The following GPR107 variants were observed in gnomAD, a reference collection of about 807,000 sequenced individuals.
The protein encoded by GPR107 is G protein-coupled receptor 107, also known as protein GPR107.
A neutral mutation model predicts 75.5 loss-of-function variants in GPR107; 31 were observed. The observed-to-expected ratio is 0.41, with a 90% confidence interval of 0.31 to 0.55. The LOEUF (loss-of-function observed/expected upper bound fraction) is 0.55. GPR107 is among the 20% of genes least tolerant of loss of function. The pLI is 0.26. For missense variants in GPR107, 572 were observed against 665.7 expected (o/e 0.86, Z 1.55); for synonymous variants, 267 against 251.3 (o/e 1.06, Z -0.59).
At chr9:130,131,185 C>G (rs1390962369) in intron 17 of GPR107, among the ~76,000 whole-genome samples, 1 of 152,148 alleles carries the variant, frequency 6.6e-6, no homozygotes, top group Non-Finnish European at 1.5e-5. Context: ...GCCAGGGAGG[C>G]TTTTGGGTGT....
At chr9:130,064,197 TTTTTTTTTTTTG>T (rs1830008351) in intron 1 of GPR107, among the ~76,000 whole-genome samples, 1 of 64,056 alleles carries the variant, frequency 1.6e-5, no homozygotes, top group Non-Finnish European at 3.2e-5. Flanking sequence ...TTTTTTTTTT[TTTTTTTTTTTTG>T]AGACGGAGTC....
chr9:130,123,498 G>A (rs1277818458), intron 14 of GPR107, among the ~76,000 whole-genome samples: 1 of 150,402 alleles, frequency 6.6e-6, no homozygotes, highest in African/African-American at 2.4e-5. Flanking sequence ...CACTGCACCC[G>A]GCCTATTTCT....
At chr9:130,120,925 G>A (rs1240432593) in intron 14 of GPR107, 1 of 152,072 alleles carries the variant, frequency 6.6e-6, no homozygotes, top group African/African-American at 2.4e-5. Context: ...ACAAACAAAC[G>A]GGCTGGCAGG....
intron 14 of GPR107, among the ~76,000 whole-genome samples, chr9:130,118,669 C>G (rs921330225): frequency 3.3e-5 from 5 of 151,924 alleles, no homozygotes; most frequent in Non-Finnish European, 5.9e-5. Context: ...CCCGTCTCCT[C>G]CTTTTCTCTC....
intron 1 of GPR107, among the ~76,000 whole-genome samples, chr9:130,067,575 C>A (rs1461091252): frequency 1.3e-5 from 2 of 152,070 alleles, no homozygotes; most frequent in African/African-American, 4.8e-5. Flanking sequence ...GTTCTTCTCT[C>A]ACTTCATGTG....
At chr9:130,104,163 A>G (rs1040247439) in intron 12 of GPR107, among the ~76,000 whole-genome samples, 1 of 152,124 alleles carries the variant, frequency 6.6e-6, no homozygotes, top group African/African-American at 2.4e-5. Context: ...AGCTTTATCT[A>G]CCTTGGAAAT....
chr9:130,104,043 G>A (rs190081226), intron 12 of GPR107, among the ~76,000 whole-genome samples: 1 of 152,126 alleles, frequency 6.6e-6, no homozygotes, highest in Non-Finnish European at 1.5e-5. Context: ...CGGGGCTCCT[G>A]GGGGGGCCTT....
In GPR107 at chr9:130,110,773, G is replaced by A. The variant is rs1831277972; in HGVS notation, c.1306+3234G>A. On this transcript the variant is annotated intron_variant, in intron 14 of 17. Coordinates refer to ENST00000347136, the MANE Select transcript of GPR107 (RefSeq NM_020960.5). The stretch of plus-strand genomic sequence containing the variant: ...TATGTGCTGTGAAGCTTGCGGGAAA[G>A]CGGGAGTGGGCATGCTTCCAGTCGC... Among the ~76,000 whole-genome samples, 3 of 152,244 alleles carry A rather than the reference G, an allele frequency of 2.0e-5. No individual in the cohort carries two copies. The South Asian group carries it at 6.2e-4, about 32-fold the overall frequency.
intron 14 of GPR107, chr9:130,108,751 A>T (rs986292829): frequency 1.8e-5 from 8 of 455,590 alleles, no homozygotes; most frequent in African/African-American, 1.4e-4. Flanking sequence ...CCGTTTTCTC[A>T]TTTTTTTCCC....
intron 1 of GPR107, among the ~76,000 whole-genome samples, chr9:130,072,131 G>A (rs1261044511): frequency 1.3e-5 from 2 of 149,514 alleles, no homozygotes; most frequent in Non-Finnish European, 3.0e-5. Flanking sequence ...ACCACACCTG[G>A]CTAATTTTTG....
chr9:130,090,493 G>GA (rs58639600), intron 7 of GPR107, among the ~76,000 whole-genome samples: 151,796 of 152,342 alleles, frequency 1, 75,630 homozygotes, highest in Non-Finnish European at 1. Context: ...CTTCCACAAA[G>GA]CCATCACAAA....
At chr9:130,096,629 G>A (rs975383401) in intron 9 of GPR107, among the ~76,000 whole-genome samples, 2 of 151,888 alleles carry the variant, frequency 1.3e-5, no homozygotes, top group Admixed American at 6.6e-5. Flanking sequence ...CACCATGCCC[G>A]GCTAATTTTT....
At chr9:130,054,113 G>A (rs1829658933) in intron 1 of GPR107, 40 bp downstream of exon 1, 1 of 1,380,018 alleles carries the variant, frequency 7.2e-7, no homozygotes, top group African/African-American at 2.9e-5. Flanking sequence ...CGGAGGCCGA[G>A]GCCACTCCCC....
chr9:130,111,431 G>A (rs1387867153), intron 14 of GPR107, among the ~76,000 whole-genome samples: 1 of 152,098 alleles, frequency 6.6e-6, no homozygotes, highest in East Asian at 1.9e-4. Flanking sequence ...ACTTGGGAGG[G>A]TGAGGTGAGA....
chr9:130,126,771 G>T (rs1831699147), intron 15 of GPR107, among the ~76,000 whole-genome samples: 1 of 152,098 alleles, frequency 6.6e-6, no homozygotes, highest in African/African-American at 2.4e-5. Context: ...ACTTGGGGTT[G>T]ATTTTTTTTT....
rs1218539772 is a variant in GPR107, at chr9:130,088,617, A to G, written c.621+2141A>G. ...ACCAGGCATTGTGCTAAGTGCTTCT[A>G]TGTCATTATCTCAGTTAATCCTCTA... On this transcript the variant is annotated intron_variant, in intron 7 of 17. Transcript: ENST00000347136. 2.6e-5 allele frequency among the ~76,000 whole-genome samples: 4 copies of G among 152,276 alleles called. No homozygotes were observed. The East Asian group carries it at 7.7e-4, about 29-fold the overall frequency.
At position 130,101,232 on chromosome 9, in the gene GPR107, A is replaced by C. The variant is rs773860612; in HGVS notation, c.1131+9A>C. On this transcript the variant is annotated intron_variant, in intron 12 of 17. Coordinates refer to ENST00000347136, the MANE Select transcript of GPR107 (RefSeq NM_020960.5). The stretch of plus-strand genomic sequence containing the variant: ...TTGTCATTCCACTCCAGGTAAAAGA[A>C]CCCTCATCCCATTTGTCACTTCCTT... The C allele has an allele frequency of 1.5e-6, 2 of 1,348,070 alleles. No homozygotes were observed. The highest frequency in any genetic ancestry group is 4.6e-5 in the East Asian group (2 of 43,670). The allele number at this position is 1,348,070 out of a possible 1,614,324, so 83.5% of individuals were successfully genotyped here. A position where few individuals can be genotyped will look rare whatever the true frequency, so the allele number is the denominator to read the frequency against.
At chr9:130,113,964 C>T (rs539897639) in intron 14 of GPR107, among the ~76,000 whole-genome samples, 9 of 150,660 alleles carry the variant, frequency 6.0e-5, no homozygotes, top group African/African-American at 2.2e-4. Context: ...AATATGAGAA[C>T]CCAGCTGCAT....
intron 17 of GPR107, among the ~76,000 whole-genome samples, chr9:130,133,548 A>G (rs781979262): frequency 1.4e-4 from 21 of 152,180 alleles, no homozygotes; most frequent in Non-Finnish European, 2.8e-4. Flanking sequence ...TACCTCCTGC[A>G]TCCCCGTCTA....
Sources: gnomAD v4.1 joint callset for allele counts (sites outside exome capture counted in the v4.1 genomes callset) on GRCh38, gnomAD v4.1.1 for gene constraint, MANE v1.5 for transcripts, NCBI Gene and HGNC (gene_info 2026-07-23, HGNC 2026-07-21) for gene names.